Variants in PSMA1 observed in about 807,000 individuals in gnomAD.
PSMA1 encodes proteasome subunit alpha type-1.
In PSMA1, 3 loss-of-function variants were observed where a neutral mutation model predicts 38.4. The observed-to-expected ratio is 0.08, with a 90% CI of 0.04 to 0.20. PSMA1 has a LOEUF of 0.20. PSMA1 is among the 10% of genes least tolerant of loss of function. The pLI is 1.00. For synonymous variants in PSMA1, 101 were observed against 107.1 expected (o/e 0.94, Z 0.35); for missense variants, 227 against 325.3 (o/e 0.70, Z 2.32).
At chr11:14,513,454 A>T (rs1010071288) in intron 7 of PSMA1, 116 bp downstream of exon 7, 162 of 1,141,914 alleles carry the variant, frequency 1.4e-4, no homozygotes, top group African/African-American at 6.6e-4. Flanking sequence ...AATTTTTTTT[A>T]AAAAAATTCT....
intron 7 of PSMA1, among the ~76,000 whole-genome samples, chr11:14,512,140 C>A (rs1015955163): frequency 7.9e-5 from 12 of 152,080 alleles, no homozygotes; most frequent in African/African-American, 2.9e-4. Context: ...TTTGGGAGGC[C>A]CAGTTGGGCG....
intron 5 of PSMA1, 177 bp from the exon 6 acceptor site, chr11:14,514,064 C>T (rs1259137218): frequency 3.2e-5 from 42 of 1,322,476 alleles, no homozygotes; most frequent in African/African-American, 4.6e-5. Context: ...GACTTTCTAC[C>T]GAACCTAAGA....
chr11:14,566,395 C>T (rs1397113407), intron 2 of PSMA1, among the ~76,000 whole-genome samples: 1 of 152,078 alleles, frequency 6.6e-6, no homozygotes, highest in Non-Finnish European at 1.5e-5. Context: ...AGGATTTCTT[C>T]ACAGTTGGAC....
At chr11:14,637,673 T>C (rs1853127333) in intron 1 of PSMA1, among the ~76,000 whole-genome samples, 1 of 152,142 alleles carries the variant, frequency 6.6e-6, no homozygotes, top group Non-Finnish European at 1.5e-5. Context: ...CTAAGATATG[T>C]AGGGCCATGA....
intron 4 of PSMA1, among the ~76,000 whole-genome samples, chr11:14,516,718 G>A (rs554131585): frequency 7.9e-5 from 12 of 152,230 alleles, no homozygotes; most frequent in South Asian, 4.1e-4. Flanking sequence ...CTGAGGTCAG[G>A]AGTTCAAGAC....
At chr11:14,623,397 A>T (rs1225051778) in intron 1 of PSMA1, among the ~76,000 whole-genome samples, 1 of 152,216 alleles carries the variant, frequency 6.6e-6, no homozygotes, top group Non-Finnish European at 1.5e-5. Flanking sequence ...AAATCTTCCC[A>T]GTGCGTGGAT....
intron 2 of PSMA1, among the ~76,000 whole-genome samples, chr11:14,596,907 G>A (rs1471519072): frequency 6.6e-6 from 1 of 152,192 alleles, no homozygotes; most frequent in Non-Finnish European, 1.5e-5. Flanking sequence ...TTATTATTTT[G>A]AAATACGTTC....
chr11:14,626,547 C>G (rs993572812), intron 1 of PSMA1, among the ~76,000 whole-genome samples: 5 of 152,086 alleles, frequency 3.3e-5, no homozygotes, highest in African/African-American at 1.2e-4. Flanking sequence ...GCATGCACAT[C>G]ATGAAGTGTG....
chr11:14,605,900 C>T (rs1160919067), intron 2 of PSMA1, among the ~76,000 whole-genome samples: 1 of 152,144 alleles, frequency 6.6e-6, no homozygotes, highest in Non-Finnish European at 1.5e-5. Context: ...TGTCACTTGT[C>T]AATGTTTGCT....
chr11:14,610,932 T>A, intron 2 of PSMA1: 1 of 1,605,010 alleles, frequency 6.2e-7, no homozygotes, highest in Non-Finnish European at 8.5e-7. Context: ...ATCTATGCAT[T>A]CTGTGTTTTA....
At chr11:14,547,805 C>G (rs191375761) in intron 2 of PSMA1, among the ~76,000 whole-genome samples, 1 of 152,258 alleles carries the variant, frequency 6.6e-6, no homozygotes, top group African/African-American at 2.4e-5. Context: ...GGCAAGAGAG[C>G]AGACACGATG....
chr11:14,626,852 T>C (rs562134827), intron 1 of PSMA1, among the ~76,000 whole-genome samples: 11 of 152,320 alleles, frequency 7.2e-5, no homozygotes, highest in African/African-American at 2.4e-4. Flanking sequence ...TTAATTTAAC[T>C]CACTGTATTA....
At chr11:14,621,285 CT>C (rs548130407) in intron 1 of PSMA1, among the ~76,000 whole-genome samples, 69 of 145,746 alleles carry the variant, frequency 4.7e-4, no homozygotes, top group Admixed American at 6.2e-4. Context: ...CTTTTCTTTT[CT>C]TTTTTTTTTT....
At chr11:14,551,344 T>C (rs1442066809) in intron 2 of PSMA1, among the ~76,000 whole-genome samples, 1 of 151,774 alleles carries the variant, frequency 6.6e-6, no homozygotes, top group Non-Finnish European at 1.5e-5. Context: ...AAATTTAGAG[T>C]CCCTACGTAA....
chr11:14,584,783 CT>C (rs1852323845), intron 2 of PSMA1, among the ~76,000 whole-genome samples: 1 of 152,152 alleles, frequency 6.6e-6, no homozygotes, highest in Non-Finnish European at 1.5e-5. Context: ...TGTGACTGAC[CT>C]TTGGTTCTCT....
chr11:14,614,163 A>G (rs1228339652), intron 1 of PSMA1, among the ~76,000 whole-genome samples: 1 of 152,184 alleles, frequency 6.6e-6, no homozygotes, highest in Admixed American at 6.5e-5. Flanking sequence ...AACAGTACTC[A>G]GTTTTAAAAA....
At chr11:14,642,615 T>C (rs1440689322) in intron 1 of PSMA1, among the ~76,000 whole-genome samples, 1 of 152,210 alleles carries the variant, frequency 6.6e-6, no homozygotes, top group African/African-American at 2.4e-5. Context: ...GTAAGGTTTC[T>C]CATCTGCCTG....
intron 2 of PSMA1, among the ~76,000 whole-genome samples, chr11:14,601,226 G>C (rs780879963): frequency 3.9e-5 from 6 of 152,140 alleles, no homozygotes; most frequent in Non-Finnish European, 7.4e-5. Flanking sequence ...TGCCTAAACT[G>C]GGGGGAGTGG....
intron 2 of PSMA1, among the ~76,000 whole-genome samples, chr11:14,544,327 C>T (rs1454719047): frequency 1.3e-5 from 2 of 152,100 alleles, no homozygotes; most frequent in East Asian, 3.8e-4. Flanking sequence ...AGCTACCGTG[C>T]CCGGCCGGTA....
Sources: allele counts gnomAD v4.1 joint callset (sites outside exome capture counted in the v4.1 genomes callset), GRCh38; gene constraint gnomAD v4.1.1; transcripts MANE v1.5; gene names NCBI Gene and HGNC (gene_info 2026-07-23, HGNC 2026-07-21).